ATOSA: variants seen among roughly 807,000 people sequenced by gnomAD.
ATOSA encodes atos homolog A.
chr15:52,611,495 G>A, the ATOSA span: 6 of 1,426,902 alleles, frequency 4.2e-6, no homozygotes, highest in East Asian at 7.0e-5. Context: ...TCAAAGACAT[G>A]ATACATTAAA....
At chr15:52,646,748 A>G in the ATOSA span, among the ~76,000 whole-genome samples, 3 of 152,112 alleles carry the variant, frequency 2.0e-5, no homozygotes, top group Non-Finnish European at 4.4e-5. Flanking sequence ...CTCTGACTAT[A>G]AACAAATTAT....
chr15:52,610,653 T>G, the ATOSA span, among the ~76,000 whole-genome samples: 1 of 152,208 alleles, frequency 6.6e-6, no homozygotes, highest in Non-Finnish European at 1.5e-5. Context: ...TTAAAAATAT[T>G]TGTTAAAACA....
the ATOSA span, among the ~76,000 whole-genome samples, chr15:52,639,820 G>A: frequency 0.022 from 3,369 of 152,040 alleles, 137 homozygotes; most frequent in African/African-American, 0.078. Flanking sequence ...GCACAATATC[G>A]GCTCACTGCA....
chr15:52,628,690 GA>G, the ATOSA span, among the ~76,000 whole-genome samples: 3 of 152,160 alleles, frequency 2.0e-5, no homozygotes, highest in East Asian at 5.8e-4. Flanking sequence ...ATGATATTAT[GA>G]ATAGATTAAA....
the ATOSA span, among the ~76,000 whole-genome samples, chr15:52,611,928 C>T: frequency 6.6e-6 from 1 of 152,176 alleles, no homozygotes; most frequent in African/African-American, 2.4e-5. Flanking sequence ...TAGGTTTCCT[C>T]ATTTAATAAC....
At chr15:52,631,566 A>T in the ATOSA span, among the ~76,000 whole-genome samples, 1 of 152,200 alleles carries the variant, frequency 6.6e-6, no homozygotes, top group Admixed American at 6.5e-5. Context: ...ACCTACGCCT[A>T]TGTGTTATGG....
the ATOSA span, among the ~76,000 whole-genome samples, chr15:52,640,774 TTTA>T: frequency 0.011 from 1,635 of 152,138 alleles, 27 homozygotes; most frequent in African/African-American, 0.038. Flanking sequence ...CTTTTAAATT[TTTA>T]TTTATAACTG....
At chr15:52,596,727 T>A in the ATOSA span, among the ~76,000 whole-genome samples, 2 of 152,186 alleles carry the variant, frequency 1.3e-5, no homozygotes, top group Non-Finnish European at 2.9e-5. Flanking sequence ...AGAAGAATTA[T>A]CTAACTCAAA....
chr15:52,602,866 G>A, the ATOSA span, among the ~76,000 whole-genome samples: 424 of 152,292 alleles, frequency 2.8e-3, 1 homozygote, highest in South Asian at 4.8e-3. Context: ...GAACCCTAGT[G>A]CTATTTTAGG....
the ATOSA span, among the ~76,000 whole-genome samples, chr15:52,655,266 TC>T: frequency 9.3e-4 from 142 of 152,294 alleles, no homozygotes; most frequent in African/African-American, 3.2e-3. Flanking sequence ...TATAAGCATT[TC>T]CCATGTATTA....
At chr15:52,649,519 C>T in the ATOSA span, 2 of 152,060 alleles carry the variant, frequency 1.3e-5, no homozygotes, top group Non-Finnish European at 2.9e-5. Flanking sequence ...ATCTGTTTTA[C>T]TTAAAACCAA....
the ATOSA span, among the ~76,000 whole-genome samples, chr15:52,698,429 G>A: frequency 3.3e-5 from 5 of 152,176 alleles, no homozygotes; most frequent in East Asian, 5.8e-4. Flanking sequence ...TTAGTGCTAT[G>A]TTCTCTCATT....
chr15:52,646,643 G>GA, the ATOSA span, among the ~76,000 whole-genome samples: 1 of 152,026 alleles, frequency 6.6e-6, no homozygotes. Flanking sequence ...TGAAGTGGGG[G>GA]AAAAAAACCA....
At chr15:52,689,918 C>A in the ATOSA span, among the ~76,000 whole-genome samples, 4 of 152,152 alleles carry the variant, frequency 2.6e-5, no homozygotes, top group African/African-American at 9.7e-5. Flanking sequence ...GCTCCTAAGC[C>A]AAAAGCTATA....
the ATOSA span, among the ~76,000 whole-genome samples, chr15:52,679,629 C>G: frequency 6.6e-6 from 1 of 152,200 alleles, no homozygotes; most frequent in African/African-American, 2.4e-5. Flanking sequence ...GGTTGCGCTC[C>G]CAGCCGGCAG....
At chr15:52,650,227 T>A in the ATOSA span, among the ~76,000 whole-genome samples, 1 of 152,170 alleles carries the variant, frequency 6.6e-6, no homozygotes, top group African/African-American at 2.4e-5. Flanking sequence ...AAACTCCCTT[T>A]CATACCCCTA....
At chr15:52,661,569 G>A in the ATOSA span, among the ~76,000 whole-genome samples, 1 of 152,176 alleles carries the variant, frequency 6.6e-6, no homozygotes, top group East Asian at 1.9e-4. Flanking sequence ...TGTAATTTCA[G>A]AATAACAAAA....
chr15:52,662,018 A>C, the ATOSA span, among the ~76,000 whole-genome samples: 80 of 152,164 alleles, frequency 5.3e-4, 1 homozygote, highest in South Asian at 8.9e-3. Context: ...AAATTATCGA[A>C]TCTAATCTCT....
chr15:52,674,005 C>T, the ATOSA span, among the ~76,000 whole-genome samples: 3 of 152,124 alleles, frequency 2.0e-5, no homozygotes, highest in African/African-American at 7.2e-5. Context: ...AGATTTTGCA[C>T]TACTAGTTTT....
Sources: gnomAD v4.1 joint callset for allele counts (sites outside exome capture counted in the v4.1 genomes callset) on GRCh38, gnomAD v4.1.1 for gene constraint, MANE v1.5 for transcripts, NCBI Gene and HGNC (gene_info 2026-07-23, HGNC 2026-07-21) for gene names.